SLC8A1: variants seen among roughly 807,000 people sequenced by gnomAD.
SLC8A1 encodes sodium/calcium exchanger 1.
Under a neutral mutation model 68.3 loss-of-function variants are expected in SLC8A1, and 18 were observed. The observed-to-expected ratio is 0.26, with a 90% confidence interval of 0.18 to 0.39. SLC8A1 has a LOEUF of 0.39. Ranked by LOEUF, SLC8A1 falls within the 10% of genes least tolerant of loss-of-function variation. The probability of loss-of-function intolerance (pLI) is 1.00; values close to 1 mark genes in which losing one functional copy is unlikely to be tolerated. For synonymous variants in SLC8A1, 475 were observed against 415.5 expected (o/e 1.14, Z -1.74); for missense variants, 985 against 1,156.7 (o/e 0.85, Z 2.15).
chr2:40,297,774 G>T (rs990522244), intron 2 of SLC8A1, among the ~76,000 whole-genome samples: 6 of 152,188 alleles, frequency 3.9e-5, no homozygotes, highest in African/African-American at 1.4e-4. Flanking sequence ...AGAAATGAAT[G>T]AAGCTTTAAT....
At position 40,343,952 on chromosome 2, in the gene SLC8A1, A is replaced by G. The variant is rs149952385; in HGVS notation, c.1808+84521T>C. Among the ~76,000 whole-genome samples the G allele has an allele frequency of 9.4e-3, 1,437 of 152,270 alleles. 15 individuals carry two copies. Among genetic ancestry groups the G allele is most frequent in the African/African-American group, 0.033 (1,357 of 41,554 alleles). On this transcript the variant is annotated intron_variant, in intron 2 of 7. Transcript: ENST00000406785. Reference sequence around the variant, plus strand: ...TCAATAATCAATTGAAGGTCAAACTACATGCCAGTACCCGCATCAGGTACA... The same window carrying G: ...TCAATAATCAATTGAAGGTCAAACTGCATGCCAGTACCCGCATCAGGTACA...
rs557331772 is a variant in SLC8A1, at chr2:40,374,457, G to GGT, written c.1808+54014_1808+54015dup. 2.4e-4 allele frequency among the ~76,000 whole-genome samples: 37 copies of GGT among 152,052 alleles called. No individual in the cohort carries two copies. The East Asian group carries it at 4.5e-3, about 18-fold the overall frequency. ...TATGGAAAGGACTTAAGGCTATTCA[G>GGT]GTGTGTGTGTATATATATATGTATG... On this transcript the variant is annotated intron_variant, in intron 2 of 7. Transcript: ENST00000406785.
chr2:40,390,728 T>C (rs570236068), intron 2 of SLC8A1, among the ~76,000 whole-genome samples: 1 of 152,116 alleles, frequency 6.6e-6, no homozygotes, highest in Non-Finnish European at 1.5e-5. Context: ...CAACCCGATA[T>C]GTAACTTTTG....
At chr2:40,403,798 TAATG>T (rs1253268033) in intron 2 of SLC8A1, among the ~76,000 whole-genome samples, 4 of 152,172 alleles carry the variant, frequency 2.6e-5, no homozygotes, top group African/African-American at 9.7e-5. Flanking sequence ...GTGTAACTAA[TAATG>T]AATAATAATA....
At chr2:40,413,320 C>G (rs976942081) in intron 2 of SLC8A1, among the ~76,000 whole-genome samples, 2 of 152,198 alleles carry the variant, frequency 1.3e-5, no homozygotes, top group African/African-American at 4.8e-5. Context: ...TATTGCGGCA[C>G]TATTCACAAT....
chr2:40,301,573 G>A (rs998044866), intron 2 of SLC8A1, among the ~76,000 whole-genome samples: 2 of 152,076 alleles, frequency 1.3e-5, no homozygotes, highest in Non-Finnish European at 2.9e-5. Flanking sequence ...ATGATACAAT[G>A]GATTTTGGGG....
At chr2:40,167,746 T>C (rs72792740) in intron 4 of SLC8A1, among the ~76,000 whole-genome samples, 28,479 of 152,140 alleles carry the variant, frequency 0.19, 3,528 homozygotes, top group East Asian at 0.65. Flanking sequence ...TAACTCCCTA[T>C]TGATGAGTGA....
chr2:40,281,395 C>T (rs2067497153), intron 2 of SLC8A1, among the ~76,000 whole-genome samples: 1 of 152,180 alleles, frequency 6.6e-6, no homozygotes, highest in South Asian at 2.1e-4. Context: ...GGTCAGCATT[C>T]TCAGTGCCTG....
intron 2 of SLC8A1, among the ~76,000 whole-genome samples, chr2:40,229,826 A>G (rs1273235312): frequency 6.6e-6 from 1 of 152,168 alleles, no homozygotes; most frequent in Non-Finnish European, 1.5e-5. Flanking sequence ...ATGCACATGT[A>G]AAAAAAGTAT....
chr2:40,181,242 G>A (rs1558648834), intron 2 of SLC8A1, among the ~76,000 whole-genome samples: 2 of 152,326 alleles, frequency 1.3e-5, no homozygotes, highest in Non-Finnish European at 2.9e-5. Flanking sequence ...TTACAGGGGT[G>A]AGCCACCACA....
intron 2 of SLC8A1, among the ~76,000 whole-genome samples, chr2:40,311,327 A>G (rs576110740): frequency 5.9e-5 from 9 of 152,168 alleles, no homozygotes; most frequent in Non-Finnish European, 1.2e-4. Context: ...CTTTTAAATC[A>G]GTTTCTTCTA....
chr2:40,345,297 G>C (rs1451813212), intron 2 of SLC8A1, among the ~76,000 whole-genome samples: 1 of 152,128 alleles, frequency 6.6e-6, no homozygotes, highest in Non-Finnish European at 1.5e-5. Context: ...TCTGTATTTA[G>C]TAATAAACAT....
chr2:40,253,494 AAGTGGATTTCATGGAGGTAC>A (rs757163992), intron 2 of SLC8A1, among the ~76,000 whole-genome samples: 6 of 152,056 alleles, frequency 3.9e-5, no homozygotes, highest in Non-Finnish European at 8.8e-5. Context: ...GGAGATAAAA[AAGTGGATTTCATGGAGGTAC>A]AGTAGAATGG....
chr2:40,253,388 C>A (rs1300998665), intron 2 of SLC8A1, among the ~76,000 whole-genome samples: 1 of 151,408 alleles, frequency 6.6e-6, no homozygotes, highest in African/African-American at 2.4e-5. Context: ...AAAATCCTGT[C>A]ATTTGCAGCA....
At chr2:40,264,626 C>T (rs2065122704) in intron 2 of SLC8A1, among the ~76,000 whole-genome samples, 1 of 152,164 alleles carries the variant, frequency 6.6e-6, no homozygotes, top group Non-Finnish European at 1.5e-5. Context: ...CGCGTGTTCT[C>T]ACTCATAGGT....
At chr2:40,322,576 C>T (rs555958664) in intron 2 of SLC8A1, among the ~76,000 whole-genome samples, 7 of 151,068 alleles carry the variant, frequency 4.6e-5, no homozygotes, top group Non-Finnish European at 8.9e-5. Flanking sequence ...GTCAGGAGTC[C>T]GAGGCAGGAG....
At chr2:40,445,732 G>A (rs575533308) in intron 1 of SLC8A1, among the ~76,000 whole-genome samples, 2 of 152,296 alleles carry the variant, frequency 1.3e-5, no homozygotes, top group South Asian at 4.1e-4. Context: ...AGACAGGGAG[G>A]AGTCAGGGGA....
chr2:40,451,480 G>C (rs998819434), intron 1 of SLC8A1, among the ~76,000 whole-genome samples: 1 of 152,172 alleles, frequency 6.6e-6, no homozygotes, highest in African/African-American at 2.4e-5. Context: ...GATGTCCGCG[G>C]AGAAGAGTCC....
intron 6 of SLC8A1, among the ~76,000 whole-genome samples, chr2:40,143,057 T>G (rs2041877388): frequency 6.6e-6 from 1 of 152,142 alleles, no homozygotes; most frequent in Admixed American, 6.6e-5. Context: ...AAGTCTGGAA[T>G]GGGAGGCCCA....
Sources: gnomAD v4.1 joint callset for allele counts (sites outside exome capture counted in the v4.1 genomes callset) on GRCh38, gnomAD v4.1.1 for gene constraint, MANE v1.5 for transcripts, NCBI Gene and HGNC (gene_info 2026-07-23, HGNC 2026-07-21) for gene names.